Variants in ABCC12 observed in about 807,000 individuals in gnomAD.
ABCC12 encodes ATP binding cassette subfamily C member 12, also known as ATP-binding cassette sub-family C member 12.
Under a neutral mutation model 151.1 loss-of-function variants are expected in ABCC12, and 142 were observed. The observed-to-expected ratio is 0.94, with a 90% CI of 0.82 to 1.08. The LOEUF (loss-of-function observed/expected upper bound fraction) is 1.08, where lower values mean the gene tolerates loss of function less well. Among genes scored for constraint, ABCC12 ranks in the 50% least tolerant of loss-of-function variants. The pLI, the probability that ABCC12 is intolerant of heterozygous loss-of-function variation, is 0.00. For missense variants in ABCC12, 1,638 were observed against 1,691.1 expected (o/e 0.97, Z 0.55); for synonymous variants, 645 against 646.4 (o/e 1.00, Z 0.03).
Position 48,104,331 on chromosome 16 carries a change from G to C in ABCC12, c.2711C>G (p.Pro904Arg). ...AAAACGGTTCATTAGCCTGCCAGTG[G>C]GAGTCGTGTCAAAGAAACTCATTGG... ...KSPMSFFDTT[P>R]TGRLMNRFSK... Residue 904 changes from proline (P) to arginine (R), a missense_variant, in exon 22 of 31, where the codon CCC (proline) becomes CGC (arginine). Physicochemically the swap from Pro to Arg is moderately radical, Grantham distance 103 (BLOSUM62 -2). Transcript: ENST00000311303. 1 of 1,614,210 alleles carries C rather than the reference G, an allele frequency of 6.2e-7. No individual in the cohort carries two copies. The highest frequency in any genetic ancestry group is 8.5e-7 in the Non-Finnish European group (1 of 1,180,044).
chr16:48,088,665 C>T lies in ABCC12; in HGVS notation c.3355G>A (p.Glu1119Lys). The change falls in exon 26 of 31, where the codon GAG becomes AAG. Residue 1119 changes from glutamate (E) to lysine (K), a missense_variant. Glu to Lys is a moderately conservative substitution (Grantham distance 56). Transcript: ENST00000311303. ...ATCTGATAGTCTCTGAAGGTGATCT[C>T]CCCACGGCTGGGCCAGTCCTTGGGA... ...TCPKDWPSRG[E>K]ITFRDYQMRY... The T allele has an allele frequency of 6.2e-7, 1 of 1,614,194 alleles. No homozygotes were observed. Among genetic ancestry groups the T allele is most frequent in the Non-Finnish European group, 8.5e-7 (1 of 1,180,022 alleles).
At chr16:48,142,887 C>T (rs1277485051) in intron 4 of ABCC12, among the ~76,000 whole-genome samples, 4 of 151,920 alleles carry the variant, frequency 2.6e-5, no homozygotes, top group Non-Finnish European at 1.5e-5. Flanking sequence ...AGACGGTAGC[C>T]CAGGGTGTGT....
chr16:48,155,212 C>T (rs1965168769), intron 1 of ABCC12, among the ~76,000 whole-genome samples: 1 of 152,030 alleles, frequency 6.6e-6, no homozygotes, highest in African/African-American at 2.4e-5. Context: ...TGCTCAAGTA[C>T]CCTCATCTCC....
intron 7 of ABCC12, 117 bp downstream of exon 7, chr16:48,139,046 T>C: frequency 8.5e-7 from 1 of 1,179,250 alleles, no homozygotes; most frequent in South Asian, 1.6e-5. Flanking sequence ...AGTAAATCTG[T>C]GAGTACAAAA....
chr16:48,105,239 C>A lies in ABCC12; in HGVS notation c.2573G>T (p.Ser858Ile). Residue 858 changes from serine to isoleucine, a missense_variant, in exon 21 of 31, where the codon AGC (serine) becomes ATC (isoleucine). Physicochemically the swap from Ser to Ile is moderately radical, Grantham distance 142 (BLOSUM62 -2). Transcript: ENST00000311303. Reference sequence around the variant, plus strand: ...GCCAAACACCAGCATGAACACCATGCTTGCAGTGTACACCCACTGGTACAC... The same window carrying A: ...GCCAAACACCAGCATGAACACCATGATTGCAGTGTACACCCACTGGTACAC... ...QHVYQWVYTASMVFMLVFGVT... is the reference protein window; with the variant it reads ...QHVYQWVYTAIMVFMLVFGVT... 1 of 1,614,182 alleles carries A rather than the reference C, an allele frequency of 6.2e-7. No individual in the cohort carries two copies. The highest frequency in any genetic ancestry group is 8.5e-7 in the Non-Finnish European group (1 of 1,180,048).
intron 22 of ABCC12, among the ~76,000 whole-genome samples, chr16:48,103,043 G>T (rs1006623425): frequency 6.6e-6 from 1 of 152,150 alleles, no homozygotes; most frequent in South Asian, 2.1e-4. Context: ...TGACCTTTCT[G>T]TAGCTCCATT....
chr16:48,112,035 G>A (rs1333018526), intron 15 of ABCC12, 125 bp from the exon 16 acceptor site: 16 of 1,224,538 alleles, frequency 1.3e-5, no homozygotes, highest in South Asian at 3.1e-5. Flanking sequence ...TGAGGGGGCT[G>A]TCCTGTGCAT....
chr16:48,089,597 G>A (rs951315336), intron 25 of ABCC12, among the ~76,000 whole-genome samples: 4 of 152,122 alleles, frequency 2.6e-5, no homozygotes, highest in Admixed American at 6.5e-5. Context: ...TCAGGATGGC[G>A]GACCAGCCCA....
intron 23 of ABCC12, among the ~76,000 whole-genome samples, chr16:48,097,238 C>T (rs1462680514): frequency 6.6e-6 from 1 of 152,140 alleles, no homozygotes; most frequent in Admixed American, 6.5e-5. Flanking sequence ...GAGTGCTTCA[C>T]ATTCTGACTC....
intron 11 of ABCC12, among the ~76,000 whole-genome samples, chr16:48,124,881 C>T (rs928302159): frequency 3.9e-5 from 6 of 152,344 alleles, no homozygotes; most frequent in Admixed American, 2.0e-4. Context: ...AGTCTACCCT[C>T]ATAGAACTTA....
intron 10 of ABCC12, among the ~76,000 whole-genome samples, chr16:48,129,366 G>A (rs1567454473): frequency 6.6e-6 from 1 of 152,128 alleles, no homozygotes; most frequent in African/African-American, 2.4e-5. Flanking sequence ...GCTAGAGCTG[G>A]GTCTGTACAG....
In ABCC12 at chr16:48,128,663, T is replaced by G; in HGVS notation, c.1311A>C (p.Ala437=). 1 of 1,614,232 alleles carries G rather than the reference T, an allele frequency of 6.2e-7. No homozygotes were observed. ...CATGCTCCCATGTCAAGGTGGCATT[T>G]GCTAAAAGCAAGACAGTATCTGGGT... The part of the protein sequence containing the change: ...PEDPDTVLLL[A]NATLTWEHEA... The change falls in exon 11 of 31, where the codon GCA becomes GCC. Residue 437 remains alanine (A), a synonymous_variant. Transcript: ENST00000311303.
At position 48,099,680 on chromosome 16, in the gene ABCC12, C is replaced by G. The variant is rs554346808; in HGVS notation, c.3038+1192G>C. ...AATGTGCAGAAATCTTGGGACACTTCGCTAGGGTTGGACCATAAAATCCCC... is the reference window on the plus strand; with the variant it reads ...AATGTGCAGAAATCTTGGGACACTTGGCTAGGGTTGGACCATAAAATCCCC... On this transcript the variant is annotated intron_variant, in intron 23 of 30. Transcript: ENST00000311303. Among the ~76,000 whole-genome samples, 4 of 152,288 alleles carry G rather than the reference C, an allele frequency of 2.6e-5. No homozygotes were observed. In the South Asian group the frequency reaches 8.3e-4, roughly 32 times the overall value.
intron 10 of ABCC12, among the ~76,000 whole-genome samples, chr16:48,129,575 A>G (rs1042423540): frequency 1.3e-5 from 2 of 152,196 alleles, no homozygotes; most frequent in Admixed American, 1.3e-4. Flanking sequence ...CCACAGCTGG[A>G]GAGCCTGGAG....
intron 11 of ABCC12, among the ~76,000 whole-genome samples, chr16:48,127,628 C>T (rs1483328313): frequency 1.3e-5 from 2 of 152,208 alleles, no homozygotes; most frequent in Non-Finnish European, 2.9e-5. Context: ...GTGCCTTAGG[C>T]TCCTCAACCA....
chr16:48,141,002 C>T, intron 5 of ABCC12, 82 bp from the exon 6 acceptor site: 1 of 1,454,212 alleles, frequency 6.9e-7, no homozygotes, highest in South Asian at 1.2e-5. Context: ...TGCCAGCAAG[C>T]TGACTTTAAG....
At chr16:48,149,132 T>A (rs1353992928) in intron 2 of ABCC12, among the ~76,000 whole-genome samples, 1 of 146,774 alleles carries the variant, frequency 6.8e-6, no homozygotes, top group Admixed American at 6.9e-5. Flanking sequence ...AAATAACAAA[T>A]AAAGTATAAA....
intron 23 of ABCC12, among the ~76,000 whole-genome samples, chr16:48,099,565 A>G (rs1030485166): frequency 6.6e-6 from 1 of 152,152 alleles, no homozygotes; most frequent in African/African-American, 2.4e-5. Context: ...ACCAAACTCC[A>G]TTTTCTTTTC....
chr16:48,086,406 C>G, intron 28 of ABCC12: 1 of 234,024 alleles, frequency 4.3e-6, no homozygotes, highest in Non-Finnish European at 8.5e-6. Context: ...GTTCAAGTCT[C>G]CATCCTGCTA....
Sources: gnomAD v4.1 joint callset for allele counts (sites outside exome capture counted in the v4.1 genomes callset) on GRCh38, gnomAD v4.1.1 for gene constraint, MANE v1.5 for transcripts, NCBI Gene and HGNC (gene_info 2026-07-23, HGNC 2026-07-21) for gene names.